The following FAM98B variants were observed in gnomAD, a reference collection of about 807,000 sequenced individuals.
The protein encoded by FAM98B is tRNA splicing ligase complex subunit 3B.
In FAM98B, 32 loss-of-function variants were observed where a neutral mutation model predicts 43.9. That is an observed-to-expected ratio of 0.73 (90% CI 0.55 to 0.98). The LOEUF (loss-of-function observed/expected upper bound fraction) is 0.98, where lower values mean the gene tolerates loss of function less well. Among genes scored for constraint, FAM98B ranks in the 50% least tolerant of loss-of-function variants. The pLI is 0.00. For missense variants in FAM98B, 514 were observed against 522.9 expected (o/e 0.98, Z 0.17); for synonymous variants, 190 against 174.0 (o/e 1.09, Z -0.72).
intron 6 of FAM98B, among the ~76,000 whole-genome samples, chr15:38,480,619 AC>A (rs1172902370): frequency 6.6e-6 from 1 of 152,156 alleles, no homozygotes; most frequent in African/African-American, 2.4e-5. Flanking sequence ...ATAAAAACCA[AC>A]CACTCTAAAA....
At chr15:38,473,672 T>G in intron 5 of FAM98B, 87 bp downstream of exon 5, 1 of 961,642 alleles carries the variant, frequency 1.0e-6, no homozygotes, top group South Asian at 1.6e-5. Context: ...TTTTGCAATA[T>G]GTAGCATGCA....
At position 38,486,037 on chromosome 15, in the gene FAM98B, T is replaced by G. The variant is rs543816990; in HGVS notation, c.*1378T>G. ...CCAGTGGACAAGTGGTATTTGATGT[T>G]TAGCAGGTTTTTTTGTTGTTATTTT... is the stretch of plus-strand genomic sequence containing the variant. On this transcript the variant is annotated 3_prime_UTR_variant, in exon 8 of 8. Transcript: ENST00000397609. 4 of 152,252 alleles carry G rather than the reference T, an allele frequency of 2.6e-5. No individual in the cohort carries two copies. The South Asian group carries it at 8.3e-4, about 32-fold the overall frequency. 9.4% of individuals were successfully genotyped at this position (152,252 alleles called of 1,614,324 possible). A position where few individuals can be genotyped will look rare whatever the true frequency, so the allele number is the denominator to read the frequency against.
chr15:38,477,363 G>A (rs981968464), intron 6 of FAM98B, among the ~76,000 whole-genome samples: 2 of 151,918 alleles, frequency 1.3e-5, no homozygotes, highest in African/African-American at 4.8e-5. Flanking sequence ...GTCACCAGGG[G>A]TTGGAGGGAT....
At chr15:38,479,642 C>T (rs1481436599) in intron 6 of FAM98B, among the ~76,000 whole-genome samples, 1 of 152,116 alleles carries the variant, frequency 6.6e-6, no homozygotes, top group African/African-American at 2.4e-5. Flanking sequence ...CAATAGTTTA[C>T]TTCTCTTATT....
intron 3 of FAM98B, among the ~76,000 whole-genome samples, chr15:38,465,977 T>C (rs1890025479): frequency 6.6e-6 from 1 of 152,112 alleles, no homozygotes; most frequent in Non-Finnish European, 1.5e-5. Context: ...TTGTGTTGGG[T>C]TCCTTTCATC....
At chr15:38,455,895 T>C (rs1889840754) in intron 1 of FAM98B, among the ~76,000 whole-genome samples, 1 of 152,208 alleles carries the variant, frequency 6.6e-6, no homozygotes, top group South Asian at 2.1e-4. Context: ...CACTCCAAAA[T>C]TAGTTTTTCC....
rs1022548277 is a variant in FAM98B at position 38,486,339 on chromosome 15, T to G, written c.*1680T>G. ...TAGCTATGAACTCTGAAAAATAATTTTTAAAAACTTTTAAGAAAAAAACTA... is the reference window on the plus strand; with the variant it reads ...TAGCTATGAACTCTGAAAAATAATTGTTAAAAACTTTTAAGAAAAAAACTA... On this transcript the variant is annotated 3_prime_UTR_variant, in exon 8 of 8. Coordinates refer to ENST00000397609, the MANE Select transcript of FAM98B (RefSeq NM_173611.4). 2 of 152,156 alleles carry G rather than the reference T, an allele frequency of 1.3e-5. No homozygotes were observed. Among genetic ancestry groups the G allele is most frequent in the Non-Finnish European group, 2.9e-5 (2 of 67,978 alleles). 9.4% of individuals were successfully genotyped at this position (152,156 alleles called of 1,614,324 possible).
intron 2 of FAM98B, among the ~76,000 whole-genome samples, chr15:38,464,415 C>T (rs564492604): frequency 7.2e-5 from 11 of 152,140 alleles, no homozygotes; most frequent in South Asian, 2.1e-4. Context: ...CTCTTCCTGA[C>T]GGCTCTGATA....
chr15:38,478,387 G>C (rs537009000), intron 6 of FAM98B, among the ~76,000 whole-genome samples: 2 of 151,890 alleles, frequency 1.3e-5, no homozygotes, highest in South Asian at 4.2e-4. Flanking sequence ...CTTTCATTTG[G>C]TCTTTTTCAA....
intron 1 of FAM98B, among the ~76,000 whole-genome samples, chr15:38,460,005 G>T (rs745965013): frequency 2.6e-5 from 4 of 152,180 alleles, no homozygotes; most frequent in Non-Finnish European, 5.9e-5. Flanking sequence ...TTATCTCTTG[G>T]CTGATGAAAA....
At chr15:38,462,244 A>T (rs1355151735) in intron 1 of FAM98B, among the ~76,000 whole-genome samples, 1 of 152,172 alleles carries the variant, frequency 6.6e-6, no homozygotes, top group African/African-American at 2.4e-5. Flanking sequence ...GAAAAACATG[A>T]TGGAAGGACA....
intron 1 of FAM98B, chr15:38,458,766 C>CA: frequency 2.7e-6 from 1 of 372,644 alleles, no homozygotes; most frequent in Non-Finnish European, 5.3e-6. Context: ...AGGCCTGCCC[C>CA]TACCCAAGGC....
At chr15:38,483,955 T>C (rs1221510087) in intron 7 of FAM98B, among the ~76,000 whole-genome samples, 3 of 152,018 alleles carry the variant, frequency 2.0e-5, no homozygotes, top group Non-Finnish European at 4.4e-5. Flanking sequence ...TCTCTTTGTG[T>C]TGGAAACATT....
chr15:38,474,147 CTAAAGTT>C (rs752323122), intron 5 of FAM98B, 28 bp from the exon 6 acceptor site: 30 of 1,467,162 alleles, frequency 2.0e-5, no homozygotes, highest in Non-Finnish European at 2.9e-5. Flanking sequence ...ATGAAAGAAT[CTAAAGTT>C]TATTATTTTT....
In FAM98B at chr15:38,473,594, C is replaced by T; in HGVS notation, c.612+9C>T. 6.3e-7 allele frequency: 1 copy of T among 1,595,168 alleles called. No homozygotes were observed. The highest frequency in any genetic ancestry group is 8.5e-7 in the Non-Finnish European group (1 of 1,171,578). Reference sequence around the variant, plus strand: ...TAAATTCAGAACAGGCGGTAAATCCCCCTTTTTGTTATTAGTTTTATGTAA... The same window carrying T: ...TAAATTCAGAACAGGCGGTAAATCCTCCTTTTTGTTATTAGTTTTATGTAA... On this transcript the variant is annotated intron_variant, in intron 5 of 7. Transcript: ENST00000397609.
Position 38,484,310 on chromosome 15 carries a change from C to G in FAM98B, c.953C>G (p.Pro318Arg), listed in dbSNP as rs1331913301. The change falls in exon 8 of 8, where the codon CCA (proline) becomes CGA (arginine). Residue 318 changes from proline to arginine, a missense_variant. Physicochemically the swap from Pro to Arg is moderately radical, Grantham distance 103. Transcript: ENST00000397609. ...GGCCGGCCGAATGAAATTGAACCACCACCTCCAGAAATGCCCCCTTGGCAA... is the reference window on the plus strand; with the variant it reads ...GGCCGGCCGAATGAAATTGAACCACGACCTCCAGAAATGCCCCCTTGGCAA... Reference protein sequence around the residue: ...RGGRPNEIEPPPPEMPPWQKR... With the variant: ...RGGRPNEIEPRPPEMPPWQKR... 2 of 1,547,962 alleles carry G rather than the reference C, an allele frequency of 1.3e-6. No individual in the cohort carries two copies. The highest frequency in any genetic ancestry group is 1.7e-4 in the Middle Eastern group (1 of 5,764).
intron 1 of FAM98B, among the ~76,000 whole-genome samples, chr15:38,460,669 C>A (rs913207539): frequency 6.6e-6 from 1 of 152,200 alleles, no homozygotes; most frequent in Non-Finnish European, 1.5e-5. Context: ...TTAGACACTT[C>A]TATTGCCTAA....
chr15:38,482,797 T>C (rs1017480292), intron 7 of FAM98B: 2 of 152,222 alleles, frequency 1.3e-5, no homozygotes, highest in African/African-American at 2.4e-5. Context: ...ACCCTTCTTA[T>C]TGCTATCTTT....
intron 6 of FAM98B, among the ~76,000 whole-genome samples, chr15:38,474,957 T>C (rs2141059315): frequency 6.6e-6 from 1 of 152,334 alleles, no homozygotes; most frequent in South Asian, 2.1e-4. Flanking sequence ...TGTCTGACCA[T>C]CATTGGTTCA....
Sources: gnomAD v4.1 joint callset for allele counts (sites outside exome capture counted in the v4.1 genomes callset) on GRCh38, gnomAD v4.1.1 for gene constraint, MANE v1.5 for transcripts, NCBI Gene and HGNC (gene_info 2026-07-23, HGNC 2026-07-21) for gene names.